PGC: variants seen among roughly 807,000 people sequenced by gnomAD.
PGC encodes gastricsin.
PGC carries 31 observed loss-of-function variants against 45.9 expected under a neutral mutation model. That is an observed-to-expected ratio of 0.67 (90% CI 0.51 to 0.91). The LOEUF is 0.91. Among genes scored for constraint, PGC ranks in the 40% least tolerant of loss-of-function variants. The pLI is 0.00. For synonymous variants in PGC, 192 were observed against 201.8 expected (o/e 0.95, Z 0.41); for missense variants, 477 against 493.2 (o/e 0.97, Z 0.31).
At position 41,744,444 on chromosome 6, in the gene PGC, G is replaced by A. The variant is rs779032845; in HGVS notation, c.281C>T (p.Ser94Phe). The A allele has an allele frequency of 7.4e-6, 12 of 1,613,358 alleles. No individual in the cohort carries two copies. Among genetic ancestry groups the A allele is most frequent in the African/African-American group, 1.3e-5 (1 of 74,902 alleles). ...GACAGAGGGCACCCACAAGTTGGAG[G>A]AGCCGGTGTCAAAAAGGACCAGGAA... ...QNFLVLFDTG[S>F]SNLWVPSVYC... Residue 94 changes from serine (S) to phenylalanine (F), a missense_variant, in exon 3 of 9, where the codon TCC (serine) becomes TTC (phenylalanine). Physicochemically the swap from Ser to Phe is radical, Grantham distance 155. Coordinates refer to ENST00000373025, the MANE Select transcript of PGC (RefSeq NM_002630.4). This position sits in a 1 kb window ranked among gnomAD's most constrained non-coding sequence, Gnocchi z 4.4.
At position 41,744,031 on chromosome 6, in the gene PGC, A is replaced by ATAGAATGGAG. The variant is rs1554139049; in HGVS notation, c.328+356_328+365dup. 5.1e-4 allele frequency among the ~76,000 whole-genome samples: 78 copies of ATAGAATGGAG among 152,002 alleles called. No individual in the cohort carries two copies. The highest frequency in any genetic ancestry group is 1.6e-3 in the African/African-American group (68 of 41,288). On this transcript the variant is annotated intron_variant, in intron 3 of 8. Transcript: ENST00000373025. This position sits in a 1 kb window ranked among gnomAD's most constrained non-coding sequence, Gnocchi z 4.4. Reference sequence around the variant, plus strand: ...TTAGTAAATACTGAGGTGGAGCAGAATAGAATGGAGTAGAATGGAGTGGGA... The same window carrying ATAGAATGGAG: ...TTAGTAAATACTGAGGTGGAGCAGAATAGAATGGAGTAGAATGGAGTAGAATGGAGTGGGA...
rs953068616 is a variant in PGC, at chr6:41,747,167, G to A, written c.59+109C>T. 3.4e-6 allele frequency: 3 copies of A among 884,576 alleles called. No individual in the cohort carries two copies. The African/African-American group carries it at 5.0e-5, about 15-fold the overall frequency. 54.8% of individuals were successfully genotyped at this position (884,576 alleles called of 1,614,324 possible). A position where few individuals can be genotyped will look rare whatever the true frequency, so the allele number is the denominator to read the frequency against. Reference sequence around the variant, plus strand: ...AAGGGAGACTTCCCTTCCCCTAGCAGAAGTCCCAGAGTAGAGACAGGCAGG... The same window carrying A: ...AAGGGAGACTTCCCTTCCCCTAGCAAAAGTCCCAGAGTAGAGACAGGCAGG... On this transcript the variant is annotated intron_variant, in intron 1 of 8. Coordinates refer to ENST00000373025, the MANE Select transcript of PGC (RefSeq NM_002630.4).
Position 41,743,272 on chromosome 6 carries a change from G to C in PGC, c.446C>G (p.Thr149Ser). 6.3e-7 allele frequency: 1 copy of C among 1,590,192 alleles called. No individual in the cohort carries two copies. Among genetic ancestry groups the C allele is most frequent in the Non-Finnish European group, 8.6e-7 (1 of 1,158,200 alleles). Residue 149 changes from threonine (T) to serine (S), a missense_variant and splice_region_variant, in exon 4 of 9, where the codon ACT becomes AGT. Physicochemically the swap from Thr to Ser is moderately conservative, Grantham distance 58 (BLOSUM62 1). Transcript: ENST00000373025. The part of the protein sequence containing the change: ...LTGFFGYDTL[T>S]VQSIQVPNQE... The stretch of plus-strand genomic sequence containing the variant: ...CCTCCACTCCCCATGCCCACTCACA[G>C]TCAGGGTGTCATAGCCAAAGAAGCC...
chr6:41,742,185 G>A (rs1033750397), intron 5 of PGC, 105 bp downstream of exon 5: 95 of 1,029,026 alleles, frequency 9.2e-5, no homozygotes, highest in South Asian at 1.7e-4. Flanking sequence ...CCAGATGCCC[G>A]CTGGGATGCC....
chr6:41,744,841 C>T lies in PGC; in HGVS notation c.60-33G>A, dbSNP rs1771899182. On this transcript the variant is annotated intron_variant, in intron 1 of 8. Coordinates refer to ENST00000373025, the MANE Select transcript of PGC (RefSeq NM_002630.4). This position sits in a 1 kb window ranked among gnomAD's most constrained non-coding sequence, Gnocchi z 4.4. ...AAGGTTGCATATGAGGCAAGGCCCT[C>T]CCTCCTTCCTCTCTTCCCACTCCTC... The T allele has an allele frequency of 6.4e-7, 1 of 1,566,962 alleles. No homozygotes were observed. The highest frequency in any genetic ancestry group is 8.7e-7 in the Non-Finnish European group (1 of 1,143,034).
chr6:41,744,454 C>G lies in PGC; in HGVS notation c.271G>C (p.Asp91His). 1 of 1,613,720 alleles carries G rather than the reference C, an allele frequency of 6.2e-7. No individual in the cohort carries two copies. Among genetic ancestry groups the G allele is most frequent in the Non-Finnish European group, 8.5e-7 (1 of 1,179,968 alleles). The change falls in exon 3 of 9, where the codon GAC becomes CAC. Residue 91 changes from aspartate to histidine, a missense_variant. Physicochemically the swap from Asp to His is moderately conservative, Grantham distance 81 (BLOSUM62 -1). Coordinates refer to ENST00000373025, the MANE Select transcript of PGC (RefSeq NM_002630.4). The surrounding 1 kb of genome is among the most constrained non-coding windows in gnomAD (Gnocchi z 4.4). The stretch of plus-strand genomic sequence containing the variant: ...ACCCACAAGTTGGAGGAGCCGGTGT[C>G]AAAAAGGACCAGGAAGTTCTGGGGT... The part of the protein sequence containing the change: ...TPPQNFLVLF[D>H]TGSSNLWVPS...
Position 41,744,362 on chromosome 6 carries a change from G to A in PGC, c.328+35C>T. The A allele has an allele frequency of 6.7e-7, 1 of 1,491,978 alleles. No individual in the cohort carries two copies. The highest frequency in any genetic ancestry group is 9.3e-7 in the Non-Finnish European group (1 of 1,079,904). The allele number at this position is 1,491,978 out of a possible 1,614,324, so 92.4% of individuals were successfully genotyped here. A position where few individuals can be genotyped will look rare whatever the true frequency, so the allele number is the denominator to read the frequency against. On this transcript the variant is annotated intron_variant, in intron 3 of 8. Transcript: ENST00000373025. This position sits in a 1 kb window ranked among gnomAD's most constrained non-coding sequence, Gnocchi z 4.4. ...CCAGAGGGTATCAGTGCCTTGCCCT[G>A]CCAACCACCCCTCTCTGCCCAGCCC... is the stretch of plus-strand genomic sequence containing the variant.
chr6:41,740,340 C>T, intron 6 of PGC, 151 bp downstream of exon 6: 2 of 1,023,384 alleles, frequency 2.0e-6, no homozygotes, highest in South Asian at 1.8e-5. Context: ...CTTTGTCACC[C>T]CTGCAGAGGA....
At position 41,738,190 on chromosome 6, in the gene PGC, G is replaced by GCATATATATACATATATATA. The variant is rs1561879781; in HGVS notation, c.916-363_916-362insTATATATATGTATATATATG. ...TGCATATATATATACATATATATATGCATATATATATGCATATATATATGC... is the reference window on the plus strand; with the variant it reads ...TGCATATATATATACATATATATATGCATATATATACATATATATACATATATATATGCATATATATATGC... On this transcript the variant is annotated intron_variant, in intron 7 of 8. Transcript: ENST00000373025. 2.1e-3 allele frequency among the ~76,000 whole-genome samples: 21 copies of GCATATATATACATATATATA among 10,102 alleles called. 1 individual carries two copies. Among genetic ancestry groups the GCATATATATACATATATATA allele is most frequent in the African/African-American group, 4.2e-3 (19 of 4,544 alleles). 6.6% of individuals were successfully genotyped at this position (10,102 alleles called of 152,430 possible).
chr6:41,741,914 TC>T, intron 5 of PGC: 1 of 1,261,976 alleles, frequency 7.9e-7, no homozygotes, highest in Non-Finnish European at 1.1e-6. Flanking sequence ...TAGAAAACAT[TC>T]GGTCAGAAGG....
chr6:41,739,947 C>A lies in PGC; in HGVS notation c.768-1G>T. On this transcript the variant is annotated splice_acceptor_variant, in intron 6 of 8. Transcript: ENST00000373025. LOFTEE classifies it high-confidence loss of function. Reference sequence around the variant, plus strand: ...GGAGGCCTGGCCGCCGATGAGGAACCTGTATGGGGAGAAGACAGGCAGCCT... The same window carrying A: ...GGAGGCCTGGCCGCCGATGAGGAACATGTATGGGGAGAAGACAGGCAGCCT... The A allele has an allele frequency of 1.2e-6, 2 of 1,613,576 alleles. No individual in the cohort carries two copies. The highest frequency in any genetic ancestry group is 1.7e-6 in the Non-Finnish European group (2 of 1,179,698).
At position 41,744,584 on chromosome 6, in the gene PGC, G is replaced by A. The variant is rs1771892303; in HGVS notation, c.211-70C>T. On this transcript the variant is annotated intron_variant, in intron 2 of 8. Transcript: ENST00000373025. The surrounding 1 kb of genome is among the most constrained non-coding windows in gnomAD (Gnocchi z 4.4). ...GCCCCAGGCTCCTCCATGGGCAGAG[G>A]AGTGAAGGGACCTGCCCCTTCCCTC... is the stretch of plus-strand genomic sequence containing the variant. 1.3e-6 allele frequency: 2 copies of A among 1,588,976 alleles called. No homozygotes were observed. Among genetic ancestry groups the A allele is most frequent in the South Asian group, 1.1e-5 (1 of 89,770 alleles).
chr6:41,745,555 T>G (rs1005977257), intron 1 of PGC, among the ~76,000 whole-genome samples: 17 of 150,248 alleles, frequency 1.1e-4, no homozygotes, highest in Admixed American at 6.0e-4. Context: ...TGTAGTTTTT[T>G]TTTTTTTTTT....
chr6:41,736,941 G>A lies in PGC; in HGVS notation c.1078C>T (p.Leu360=). The change falls in exon 9 of 9, where the codon CTG becomes TTG. Residue 360 remains leucine, a synonymous_variant. Transcript: ENST00000373025. ...AGGAAGACATCCCCGAGGATCCACA[G>A]GGGCTGGCCGTTCTGGGAGGACAGG... is the stretch of plus-strand genomic sequence containing the variant. ...TYLSSQNGQP[L]WILGDVFLRS... 1 of 1,614,116 alleles carries A rather than the reference G, an allele frequency of 6.2e-7. No individual in the cohort carries two copies.
In PGC at chr6:41,747,327, C is replaced by T; in HGVS notation, c.8G>A (p.Trp3Ter). 6.2e-6 allele frequency: 10 copies of T among 1,613,882 alleles called. No homozygotes were observed. The highest frequency in any genetic ancestry group is 1.1e-5 in the South Asian group (1 of 91,078). The part of the protein sequence containing the change: MK[W>*]MVVVLVCLQL... ...GAGGCAGACCAAGACCACCACCATC[C>T]ACTTCATGATGCTGGTCCCCAACTG... The change falls in exon 1 of 9, where the codon TGG (tryptophan) becomes TAG (stop). Residue 3 changes from tryptophan (W) to a stop codon, truncating the protein, a stop_gained. Coordinates refer to ENST00000373025, the MANE Select transcript of PGC (RefSeq NM_002630.4). LOFTEE classifies it high-confidence loss of function.
At chr6:41,745,114 C>T (rs1237385076) in intron 1 of PGC, among the ~76,000 whole-genome samples, 2 of 152,104 alleles carry the variant, frequency 1.3e-5, no homozygotes, top group African/African-American at 4.8e-5. Flanking sequence ...TTCATTTCAC[C>T]ATGCATGCAC....
At chr6:41,740,733 G>C (rs1023825166) in intron 5 of PGC, 123 bp from the exon 6 acceptor site, 4 of 1,471,774 alleles carry the variant, frequency 2.7e-6, no homozygotes, top group Non-Finnish European at 3.6e-6. Flanking sequence ...TCCCTGAGGA[G>C]AGCACTGAGT....
chr6:41,740,569 A>G lies in PGC; in HGVS notation c.689T>C (p.Val230Ala). Residue 230 changes from valine (V) to alanine (A), a missense_variant, in exon 6 of 9, where the codon GTG becomes GCG. By Grantham distance (64) the Val-to-Ala change is moderately conservative. Transcript: ENST00000373025. ...CTGCCCCGTGTACAGGCTGCTATCC[A>G]CACCCCCAAAGACAACCGCTCCCCC... The part of the protein sequence containing the change: ...SSGGAVVFGG[V>A]DSSLYTGQIY... 1 of 1,606,868 alleles carries G rather than the reference A, an allele frequency of 6.2e-7. No individual in the cohort carries two copies. The highest frequency in any genetic ancestry group is 8.5e-7 in the Non-Finnish European group (1 of 1,176,684).
chr6:41,741,281 T>C, intron 5 of PGC: 1 of 1,393,806 alleles, frequency 7.2e-7, no homozygotes, highest in Admixed American at 2.8e-5. Flanking sequence ...TTAGCAACAT[T>C]AGTAACAGGG....
Sources: allele counts gnomAD v4.1 joint callset (sites outside exome capture counted in the v4.1 genomes callset), GRCh38; gene constraint gnomAD v4.1.1; non-coding constraint Gnocchi (gnomAD v3.1); transcripts MANE v1.5; gene names NCBI Gene and HGNC (gene_info 2026-07-23, HGNC 2026-07-21).